The following TNRC6A variants were observed in gnomAD, a reference collection of about 807,000 sequenced individuals.
TNRC6A encodes trinucleotide repeat-containing gene 6A protein.
A neutral mutation model predicts 221.2 loss-of-function variants in TNRC6A; 44 were observed. The ratio of observed to expected loss-of-function variants is 0.20; its 90% confidence interval spans 0.16 to 0.26. TNRC6A has a LOEUF of 0.26. Ranked by LOEUF, TNRC6A falls within the 10% of genes least tolerant of loss-of-function variation. The pLI, the probability that TNRC6A is intolerant of heterozygous loss-of-function variation, is 1.00. For synonymous variants in TNRC6A, 847 were observed against 838.5 expected, an observed-to-expected ratio of 1.01 and a Z score of -0.18; for missense variants, 2,199 against 2,404.4, an observed-to-expected ratio of 0.91 and a Z score of 1.79.
intron 4 of TNRC6A, among the ~76,000 whole-genome samples, chr16:24,773,303 G>C (rs2057651995): frequency 6.6e-6 from 1 of 152,062 alleles, no homozygotes. Context: ...CTGTAATTTA[G>C]TGTTTATTTC....
intron 2 of TNRC6A, among the ~76,000 whole-genome samples, chr16:24,715,365 A>T (rs1368493313): frequency 6.6e-6 from 1 of 151,868 alleles, no homozygotes; most frequent in Non-Finnish European, 1.5e-5. Context: ...ATGAGCCACC[A>T]TACCTGGCCA....
At chr16:24,755,470 C>A (rs1047593028) in intron 3 of TNRC6A, among the ~76,000 whole-genome samples, 1 of 152,232 alleles carries the variant, frequency 6.6e-6, no homozygotes, top group Non-Finnish European at 1.5e-5. Flanking sequence ...CAGGCTTTGT[C>A]CTAAGTGCTT....
chr16:24,679,987 A>G (rs1019746631), intron 2 of TNRC6A, among the ~76,000 whole-genome samples: 4 of 152,190 alleles, frequency 2.6e-5, no homozygotes, highest in African/African-American at 9.7e-5. Context: ...AACTTAACAC[A>G]TTACATGTCT....
intron 2 of TNRC6A, among the ~76,000 whole-genome samples, chr16:24,675,804 A>G (rs1195632595): frequency 6.8e-6 from 1 of 147,570 alleles, no homozygotes; most frequent in Admixed American, 6.9e-5. Flanking sequence ...ATATGGGAGT[A>G]CCCACATAGG....
chr16:24,814,155 G>A (rs2058603569), intron 18 of TNRC6A, among the ~76,000 whole-genome samples: 1 of 152,122 alleles, frequency 6.6e-6, no homozygotes, highest in Admixed American at 6.5e-5. Flanking sequence ...GCCCTGTCAG[G>A]GACCAGCTTC....
In TNRC6A at chr16:24,806,712, G is replaced by A. The variant is rs1487588883; in HGVS notation, c.4468G>A (p.Val1490Ile). 2 of 1,614,052 alleles carry A rather than the reference G, an allele frequency of 1.2e-6. No individual in the cohort carries two copies. Among genetic ancestry groups the A allele is most frequent in the Non-Finnish European group, 8.5e-7 (1 of 1,180,052 alleles). Reference protein sequence around the residue: ...QPAMKSFLDNVMPHTTPELQK... With the variant: ...QPAMKSFLDNIMPHTTPELQK... Reference sequence around the variant, plus strand: ...AGCCATGAAGTCTTTCCTTGACAATGTCATGCCCCACACTACACCTGAGCT... The same window carrying A: ...AGCCATGAAGTCTTTCCTTGACAATATCATGCCCCACACTACACCTGAGCT... Residue 1490 changes from valine (V) to isoleucine (I), a missense_variant, in exon 17 of 25, where the codon GTC (valine) becomes ATC (isoleucine). Around this residue, in one of 8 missense-constraint regions of TNRC6A, gnomAD observed 449 missense variants for 579.7 expected, o/e 0.77. Coordinates refer to ENST00000395799, the MANE Select transcript of TNRC6A (RefSeq NM_014494.4).
At position 24,625,589 on chromosome 16, in the gene TNRC6A, G is replaced by T. The variant is rs546584225; in HGVS notation, n.276+15105G>T. Among the ~76,000 whole-genome samples, 19 of 152,118 alleles carry T rather than the reference G, an allele frequency of 1.2e-4. 1 individual carries two copies. Among genetic ancestry groups the T allele is most frequent in the Admixed American group, 5.2e-4 (8 of 15,272 alleles). ...AAAATACAAAAAATTAGCCGGGCGC[G>T]GTGGCGGGCGCCTGTAGTCCCAGCT... On this transcript the variant is annotated intron_variant and non_coding_transcript_variant, in intron 1 of 2. Transcript: ENST00000566108.
chr16:24,679,384 G>A (rs556579042), intron 2 of TNRC6A, among the ~76,000 whole-genome samples: 1 of 151,978 alleles, frequency 6.6e-6, no homozygotes, highest in East Asian at 2.0e-4. Context: ...GCTCAAGGCA[G>A]CCTCGACGTC....
In TNRC6A at chr16:24,791,251, A is replaced by G. The variant is rs150912811; in HGVS notation, c.2609A>G (p.Asn870Ser). The G allele has an allele frequency of 3.9e-3, 6,231 of 1,614,200 alleles. 30 individuals carry two copies. The highest frequency in any genetic ancestry group is 5.0e-3 in the South Asian group (451 of 91,080). ...AGGAATAACCATTGGGGTGAGGCCA[A>G]TAAGAAATCCAGCTCAGGAGGTAGT... ...TSRNNHWGEA[N>S]KKSSSGGSDS... The change falls in exon 6 of 25, where the codon AAT (asparagine) becomes AGT (serine). Residue 870 changes from asparagine (N) to serine (S), a missense_variant. By Grantham distance (46) the Asn-to-Ser change is conservative (BLOSUM62 1). Transcript: ENST00000395799.
intron 2 of TNRC6A, among the ~76,000 whole-genome samples, chr16:24,734,702 A>G (rs1235112329): frequency 6.6e-6 from 1 of 152,382 alleles, no homozygotes; most frequent in African/African-American, 2.4e-5. Flanking sequence ...ATATTGCACA[A>G]TAGATAAAAT....
At chr16:24,737,157 T>A (rs1192309141) in intron 2 of TNRC6A, among the ~76,000 whole-genome samples, 1 of 151,984 alleles carries the variant, frequency 6.6e-6, no homozygotes, top group Non-Finnish European at 1.5e-5. Flanking sequence ...AATAAAATAA[T>A]AAAAATAAAA....
At chr16:24,799,329 CT>C (rs1242201020) in intron 11 of TNRC6A, among the ~76,000 whole-genome samples, 1 of 152,188 alleles carries the variant, frequency 6.6e-6, no homozygotes, top group South Asian at 2.1e-4. Flanking sequence ...CATCCCAACC[CT>C]TTGACTACTC....
At chr16:24,782,873 CAAAAA>C (rs1207460507) in intron 5 of TNRC6A, among the ~76,000 whole-genome samples, 1 of 151,404 alleles carries the variant, frequency 6.6e-6, no homozygotes, top group Admixed American at 6.6e-5. Context: ...CTCCGTCTGA[CAAAAA>C]AAAGAGTGAT....
Position 24,681,405 on chromosome 16 carries a change from T to C in TNRC6A, n.402+40396T>C, listed in dbSNP as rs568996002. ...ACCATGCCCAGCTAATTTTTGTATT[T>C]TTAGTAGAGACAGGGTTTTCCCATG... On this transcript the variant is annotated intron_variant and non_coding_transcript_variant, in intron 2 of 2. Transcript: ENST00000566108. Among the ~76,000 whole-genome samples, 5 of 152,166 alleles carry C rather than the reference T, an allele frequency of 3.3e-5. No homozygotes were observed. The South Asian group carries it at 1.0e-3, about 32-fold the overall frequency.
intron 2 of TNRC6A, among the ~76,000 whole-genome samples, chr16:24,735,087 G>C (rs2056733936): frequency 6.6e-6 from 1 of 152,184 alleles, no homozygotes; most frequent in Non-Finnish European, 1.5e-5. Flanking sequence ...TTCAAGACCA[G>C]CTTGGCCAAC....
intron 2 of TNRC6A, among the ~76,000 whole-genome samples, chr16:24,668,301 G>C (rs907251954): frequency 8.0e-5 from 12 of 150,568 alleles, no homozygotes; most frequent in African/African-American, 2.9e-4. Flanking sequence ...CCAAGATCAT[G>C]CCATTGCACT....
intron 1 of TNRC6A, among the ~76,000 whole-genome samples, chr16:24,629,150 G>T (rs1901195589): frequency 1.3e-5 from 2 of 151,664 alleles, no homozygotes; most frequent in Non-Finnish European, 2.9e-5. Context: ...TTTTTTATTT[G>T]TTCTTGTATC....
intron 17 of TNRC6A, among the ~76,000 whole-genome samples, chr16:24,808,545 T>A (rs551238614): frequency 6.6e-6 from 1 of 152,264 alleles, no homozygotes; most frequent in African/African-American, 2.4e-5. Flanking sequence ...CAGAAAAAAA[T>A]TGTCAACTCC....
At chr16:24,767,369 T>C (rs2057496135) in intron 4 of TNRC6A, among the ~76,000 whole-genome samples, 3 of 152,178 alleles carry the variant, frequency 2.0e-5, no homozygotes. Flanking sequence ...CTAAAACATA[T>C]CTTTCCTTAG....
Sources: allele counts gnomAD v4.1 joint callset (sites outside exome capture counted in the v4.1 genomes callset), GRCh38; gene constraint gnomAD v4.1.1; regional missense constraint gnomAD v4.1.1; transcripts MANE v1.5; gene names NCBI Gene and HGNC (gene_info 2026-07-23, HGNC 2026-07-21).